Variants in SASH1 observed in about 807,000 individuals in gnomAD.
SASH1 encodes SAM and SH3 domain containing 1.
SASH1 carries 44 observed loss-of-function variants against 125.2 expected under a neutral mutation model. The observed-to-expected ratio is 0.35, with a 90% CI of 0.28 to 0.45. SASH1 has a LOEUF of 0.45. Ranked by LOEUF, SASH1 falls within the 20% of genes least tolerant of loss-of-function variation. SASH1 has a pLI of 1.00. For missense variants in SASH1, 1,426 were observed against 1,614.5 expected (o/e 0.88, Z 2.00); for synonymous variants, 639 against 649.1 (o/e 0.98, Z 0.24).
intron 2 of SASH1, among the ~76,000 whole-genome samples, chr6:148,424,245 G>A (rs78345960): frequency 7.1e-6 from 1 of 140,572 alleles, no homozygotes; most frequent in Non-Finnish European, 1.5e-5. Flanking sequence ...TTTTTTTTTT[G>A]GGGGGGGGAG....
rs769492247 is a variant in SASH1 at position 148,534,843 on chromosome 6, G to A, written c.2037G>A (p.Arg679=). The A allele has an allele frequency of 1.2e-6, 2 of 1,614,068 alleles. No individual in the cohort carries two copies. The highest frequency in any genetic ancestry group is 1.3e-5 in the African/African-American group (1 of 74,908). ...AAGACTTGGATGAGTTAAATATCAG[G>A]GACCCGGAACACAGAGCTGTTCTCT... ...EEEDLDELNI[R]DPEHRAVLLT... The change falls in exon 16 of 20, where the codon AGG becomes AGA. Residue 679 remains arginine (R), a synonymous_variant. Transcript: ENST00000367467.
intron 1 of SASH1, among the ~76,000 whole-genome samples, chr6:148,285,274 C>T (rs988713834): frequency 3.3e-4 from 51 of 152,330 alleles, no homozygotes; most frequent in African/African-American, 1.2e-3. Context: ...GTCCAACCTC[C>T]AATACTTGCC....
rs531152852 is a variant in SASH1, at chr6:148,314,920, C to T, written n.74+42543C>T. 3.9e-5 allele frequency among the ~76,000 whole-genome samples: 6 copies of T among 152,100 alleles called. No individual in the cohort carries two copies. The East Asian group carries it at 1.2e-3, about 29-fold the overall frequency. On this transcript the variant is annotated intron_variant and non_coding_transcript_variant, in intron 1 of 3. Transcript: ENST00000367469. ...TACAGGCGCCTGCTATCATGCCTGG[C>T]TAATTTTTTGTATTTTTAGTAGAGC...
At chr6:148,349,241 CTTCTTTCTTTCTTTTTTTT>C (rs1321009717) in intron 1 of SASH1, among the ~76,000 whole-genome samples, 53 of 87,118 alleles carry the variant, frequency 6.1e-4, no homozygotes, top group Non-Finnish European at 6.0e-4. Flanking sequence ...TTCATTCTTT[CTTCTTTCTTTCTTTTTTTT>C]TTTTTTTTTT....
At chr6:148,461,612 A>C (rs1777612859) in intron 4 of SASH1, among the ~76,000 whole-genome samples, 1 of 152,066 alleles carries the variant, frequency 6.6e-6, no homozygotes, top group African/African-American at 2.4e-5. Context: ...ATCAACACCA[A>C]ATCTGTAAGA....
At chr6:148,454,998 G>C (rs925026114) in intron 4 of SASH1, among the ~76,000 whole-genome samples, 1 of 152,086 alleles carries the variant, frequency 6.6e-6, no homozygotes, top group African/African-American at 2.4e-5. Context: ...TTGTTTTATC[G>C]TATTACTCTG....
rs1388671138 is a variant in SASH1 at position 148,532,551 on chromosome 6, C to G, written c.1565-246C>G. Among the ~76,000 whole-genome samples the G allele has an allele frequency of 6.6e-6, 1 of 152,156 alleles. No individual in the cohort carries two copies. The highest frequency in any genetic ancestry group is 1.5e-5 in the Non-Finnish European group (1 of 68,026). Reference sequence around the variant, plus strand: ...TGCAGTGTCCTCCACGCGGGATCCTCCGTGCCACATGGATTCCCAGGTCAT... The same window carrying G: ...TGCAGTGTCCTCCACGCGGGATCCTGCGTGCCACATGGATTCCCAGGTCAT... On this transcript the variant is annotated intron_variant, in intron 13 of 19. Transcript: ENST00000367467. This position sits in a 1 kb window ranked among gnomAD's most constrained non-coding sequence, Gnocchi z 4.7.
At chr6:148,326,329 T>TGC (rs1384061263) in intron 1 of SASH1, among the ~76,000 whole-genome samples, 7 of 62,382 alleles carry the variant, frequency 1.1e-4, no homozygotes, top group African/African-American at 4.7e-4. Flanking sequence ...CATGCATATA[T>TGC]ATATATATAT....
chr6:148,488,677 GATA>G (rs1778977465), intron 8 of SASH1, among the ~76,000 whole-genome samples: 1 of 152,086 alleles, frequency 6.6e-6, no homozygotes, highest in Non-Finnish European at 1.5e-5. Context: ...TTACTTTTTT[GATA>G]ATAATTATCC....
chr6:148,373,305 G>T (rs1409837232), intron 1 of SASH1, among the ~76,000 whole-genome samples: 1 of 152,176 alleles, frequency 6.6e-6, no homozygotes, highest in Non-Finnish European at 1.5e-5. Flanking sequence ...AGAGGATGAG[G>T]GTAGGTAATT....
chr6:148,548,635 A>G lies in SASH1; in HGVS notation c.*77A>G. Reference sequence around the variant, plus strand: ...ATGATGCTGATGCAATTCCTCCATCATCTCTGGACGTGCAGACCAGATCCA... The same window carrying G: ...ATGATGCTGATGCAATTCCTCCATCGTCTCTGGACGTGCAGACCAGATCCA... On this transcript the variant is annotated 3_prime_UTR_variant, in exon 20 of 20. Coordinates refer to ENST00000367467, the MANE Select transcript of SASH1 (RefSeq NM_015278.5). 1 of 1,478,962 alleles carries G rather than the reference A, an allele frequency of 6.8e-7. No homozygotes were observed. Among genetic ancestry groups the G allele is most frequent in the Admixed American group, 2.2e-5 (1 of 44,826 alleles). 91.6% of individuals were successfully genotyped at this position (1,478,962 alleles called of 1,614,324 possible). A position where few individuals can be genotyped will look rare whatever the true frequency, so the allele number is the denominator to read the frequency against.
intron 2 of SASH1, among the ~76,000 whole-genome samples, chr6:148,398,914 G>A (rs1362205616): frequency 1.3e-5 from 2 of 152,182 alleles, no homozygotes; most frequent in African/African-American, 4.8e-5. Context: ...GTAATCAAAT[G>A]CCCTGTTCCA....
chr6:148,259,839 T>G, the SASH1 span, among the ~76,000 whole-genome samples: 104 of 152,276 alleles, frequency 6.8e-4, no homozygotes, highest in Non-Finnish European at 1.2e-3. Flanking sequence ...ATTTTTGTCA[T>G]TTTAACACCA....
intron 1 of SASH1, among the ~76,000 whole-genome samples, chr6:148,333,096 T>C (rs145139587): frequency 2.8e-4 from 42 of 152,292 alleles, no homozygotes; most frequent in African/African-American, 8.7e-4. Flanking sequence ...TTCCTTACTC[T>C]GACATACCTA....
At chr6:148,225,164 C>T in the SASH1 span, among the ~76,000 whole-genome samples, 4 of 152,324 alleles carry the variant, frequency 2.6e-5, 1 homozygote, top group South Asian at 8.3e-4. Context: ...GTTAACGCAA[C>T]TCCATCACTT....
At chr6:148,443,772 G>C (rs897223815) in intron 4 of SASH1, among the ~76,000 whole-genome samples, 19 of 152,172 alleles carry the variant, frequency 1.2e-4, no homozygotes, top group Admixed American at 4.6e-4. Context: ...ATTTGAATAG[G>C]TTTGATGCAT....
At chr6:148,438,725 CAAAAAAAA>C (rs60769463) in intron 2 of SASH1, among the ~76,000 whole-genome samples, 7 of 96,408 alleles carry the variant, frequency 7.3e-5, no homozygotes, top group Non-Finnish European at 1.2e-4. Context: ...TTCATTGTGG[CAAAAAAAA>C]AAAAAAAAAA....
rs943677849 is a variant in SASH1, at chr6:148,343,181, C to T, written c.114C>T (p.Ser38=). 1.2e-6 allele frequency: 2 copies of T among 1,600,144 alleles called. No individual in the cohort carries two copies. The highest frequency in any genetic ancestry group is 1.7e-6 in the Non-Finnish European group (2 of 1,179,156). ...AGCCCAAGCCGGGTGCTGGCACATCCGAGGCGTTCTCCCGACTCTGGACCG... is the reference window on the plus strand; with the variant it reads ...AGCCCAAGCCGGGTGCTGGCACATCTGAGGCGTTCTCCCGACTCTGGACCG... ...EPEPKPGAGT[S]EAFSRLWTDV... is the part of the protein sequence containing the mutation. The change falls in exon 1 of 20, where the codon TCC becomes TCT. Residue 38 remains serine (S), a synonymous_variant. Coordinates refer to ENST00000367467, the MANE Select transcript of SASH1 (RefSeq NM_015278.5).
intron 18 of SASH1, 151 bp from the exon 19 acceptor site, chr6:148,545,864 C>T: frequency 1.4e-6 from 1 of 721,106 alleles, no homozygotes; most frequent in Non-Finnish European, 2.1e-6. Flanking sequence ...TCGCTTGAGC[C>T]CAGGAGTTTG....
Sources: gnomAD v4.1 joint callset for allele counts (sites outside exome capture counted in the v4.1 genomes callset) on GRCh38, gnomAD v4.1.1 for gene constraint, Gnocchi (gnomAD v3.1) non-coding constraint, MANE v1.5 for transcripts, NCBI Gene and HGNC (gene_info 2026-07-23, HGNC 2026-07-21) for gene names.